The following PTRH1 variants were observed in gnomAD, a reference collection of about 807,000 sequenced individuals.
PTRH1 encodes the protein peptidyl-tRNA hydrolase 1 homolog, also known as peptidyl-tRNA hydrolase.
In PTRH1, 13 loss-of-function variants were observed where a neutral mutation model predicts 15.7. The observed-to-expected ratio is 0.83, with a 90% CI of 0.54 to 1.31. The LOEUF is 1.31. PTRH1 is among the 40% of genes most tolerant of loss of function. The pLI, the probability that PTRH1 is intolerant of heterozygous loss-of-function variation, is 0.00. For synonymous variants in PTRH1, 139 were observed against 136.7 expected, an observed-to-expected ratio of 1.02 and a Z score of -0.12; for missense variants, 319 against 296.2, an observed-to-expected ratio of 1.08 and a Z score of -0.56.
At chr9:127,711,529 G>C, downstream of PTRH1, 1 of 1,597,670 alleles carries the variant, frequency 6.3e-7, no homozygotes, top group Non-Finnish European at 8.5e-7. Flanking sequence ...AGGGCATTTG[G>C]CATGCAAGGC....
Position 127,714,135 on chromosome 9 carries a change from G to T in PTRH1, c.610C>A (p.Arg204Ser). 1 of 1,613,680 alleles carries T rather than the reference G, an allele frequency of 6.2e-7. No individual in the cohort carries two copies. The highest frequency in any genetic ancestry group is 8.5e-7 in the Non-Finnish European group (1 of 1,179,958). ...AGTGAGGGCCCCTGGCTTCGCTCAC[G>T]GATGTGGTCCAAGATCAGGTCGGTG... is the stretch of plus-strand genomic sequence containing the variant. ...RATDLILDHIRERSQGPSLGP is the reference protein window; with the variant it reads ...RATDLILDHISERSQGPSLGP Residue 204 changes from arginine to serine, a missense_variant, in exon 5 of 5, where the codon CGT (arginine) becomes AGT (serine). Coordinates refer to ENST00000543175, the MANE Select transcript of PTRH1 (RefSeq NM_001002913.3).
intron 1 of PTRH1, among the ~76,000 whole-genome samples, chr9:127,707,455 A>G (rs1256106535): frequency 6.6e-6 from 1 of 151,980 alleles, no homozygotes; most frequent in Non-Finnish European, 1.5e-5. Flanking sequence ...ACCCCAGGCA[A>G]TCCCCACGTC....
chr9:127,695,529 A>G (rs942528333), intron 1 of PTRH1: 35 of 183,454 alleles, frequency 1.9e-4, no homozygotes, highest in Non-Finnish European at 3.0e-4. Flanking sequence ...CCCTAAGCGC[A>G]GTTTTCTTGT....
intron 1 of PTRH1, among the ~76,000 whole-genome samples, chr9:127,706,463 C>T (rs796906728): frequency 6.2e-4 from 94 of 152,304 alleles, no homozygotes; most frequent in African/African-American, 2.1e-3. Context: ...AGGACCTGCC[C>T]GCTGTCCCAC....
downstream of PTRH1, chr9:127,709,759 T>C: frequency 6.6e-7 from 1 of 1,511,872 alleles, no homozygotes; most frequent in Non-Finnish European, 9.0e-7. The surrounding 1 kb of genome is among the most constrained non-coding windows in gnomAD (Gnocchi z 4.7). Context: ...ACCCTGTTTC[T>C]CACCTGGGAA....
chr9:127,703,171 C>G (rs1224626445), intron 1 of PTRH1, among the ~76,000 whole-genome samples: 1 of 152,094 alleles, frequency 6.6e-6, no homozygotes, highest in East Asian at 1.9e-4. Context: ...CCAATTAAGG[C>G]TAGGTGCTAT....
At chr9:127,710,518 C>T (rs1373002677), downstream of PTRH1, 1 of 1,500,154 alleles carries the variant, frequency 6.7e-7, no homozygotes, top group African/African-American at 1.4e-5. Context: ...GGGACAGGGA[C>T]CTAAGGGGCA....
downstream of PTRH1, chr9:127,711,518 C>T (rs73600051): frequency 2.8e-3 from 4,475 of 1,606,120 alleles, 115 homozygotes; most frequent in African/African-American, 0.052. Context: ...GGCCTCAGCA[C>T]AGGGCATTTG....
At chr9:127,713,457 TC>T (rs1220397189), downstream of PTRH1, 2 of 412,648 alleles carry the variant, frequency 4.8e-6, no homozygotes, top group Admixed American at 8.4e-5. Flanking sequence ...AAGAGTGGGA[TC>T]CCCCTGAAGA....
rs79978910 is a variant in PTRH1 at position 127,706,443 on chromosome 9, A to C, written c.205+8992T>G. 4.9e-3 allele frequency among the ~76,000 whole-genome samples: 750 copies of C among 152,238 alleles called. 4 individuals are homozygous for C. Among genetic ancestry groups the C allele is most frequent in the African/African-American group, 0.017 (692 of 41,526 alleles). ...GCTAAGTGACAAGCCCTGGGATGAC[A>C]GGGATGGAAAGGACCTGCCCGCTGT... On this transcript the variant is annotated intron_variant, in intron 1 of 2. Coordinates refer to the PTRH1 transcript ENST00000335223.
At chr9:127,709,408 T>G (rs1265384599), downstream of PTRH1, 8 of 1,611,198 alleles carry the variant, frequency 5.0e-6, no homozygotes, top group East Asian at 1.1e-4. This position sits in a 1 kb window ranked among gnomAD's most constrained non-coding sequence, Gnocchi z 4.7. Flanking sequence ...ACCACGGCTC[T>G]GCCCCTGCCC....
intron 1 of PTRH1, among the ~76,000 whole-genome samples, chr9:127,706,754 T>C (rs1305499209): frequency 1.3e-5 from 2 of 152,198 alleles, no homozygotes; most frequent in African/African-American, 4.8e-5. Flanking sequence ...CCCATGGCGC[T>C]TATTTCCACG....
chr9:127,713,757 T>C (rs2131595053), downstream of PTRH1: 11 of 1,234,628 alleles, frequency 8.9e-6, no homozygotes, highest in South Asian at 1.3e-4. Context: ...TCCCCCAGCC[T>C]CGGCCTCCCA....
intron 1 of PTRH1, among the ~76,000 whole-genome samples, chr9:127,702,528 C>T: frequency 6.6e-6 from 1 of 151,964 alleles, no homozygotes; most frequent in East Asian, 1.9e-4. Context: ...CAGAGTGAGA[C>T]CCTGTCTCAA....
intron 1 of PTRH1, among the ~76,000 whole-genome samples, chr9:127,703,773 G>A (rs926272641): frequency 5.3e-5 from 8 of 152,212 alleles, no homozygotes; most frequent in Non-Finnish European, 1.0e-4. Flanking sequence ...GTCTCGCCCC[G>A]CCTGGTGTGA....
intron 1 of PTRH1, among the ~76,000 whole-genome samples, chr9:127,702,708 A>C (rs1588384266): frequency 6.7e-6 from 1 of 149,038 alleles, no homozygotes; most frequent in Admixed American, 6.7e-5. Context: ...GTTTGTCATT[A>C]TTTTTCTTTT....
At chr9:127,711,797 T>A, downstream of PTRH1, 1 of 1,550,630 alleles carries the variant, frequency 6.4e-7, no homozygotes, top group South Asian at 1.2e-5. Flanking sequence ...GCTGAGGGCA[T>A]GGCCACCTGT....
In PTRH1 at chr9:127,714,602, C is replaced by A. The variant is rs1457363151; in HGVS notation, c.416+1G>T. On this transcript the variant is annotated splice_donor_variant, in intron 3 of 4. Transcript: ENST00000543175. LOFTEE classifies it high-confidence loss of function. ...CAACCCTGACCATCTCAGGACCTCA[C>A]CTGGCACTGCCCCCCAGCTTCAGAG... is the stretch of plus-strand genomic sequence containing the variant. The A allele has an allele frequency of 6.2e-7, 1 of 1,613,594 alleles. No individual in the cohort carries two copies. The highest frequency in any genetic ancestry group is 1.7e-5 in the Admixed American group (1 of 59,988).
downstream of PTRH1, chr9:127,709,366 C>T: frequency 1.9e-6 from 3 of 1,572,502 alleles, no homozygotes. This position sits in a 1 kb window ranked among gnomAD's most constrained non-coding sequence, Gnocchi z 4.7. Flanking sequence ...CCAGCTGCAC[C>T]AGAGGCCTGG....
Sources: gnomAD v4.1 joint callset for allele counts (sites outside exome capture counted in the v4.1 genomes callset) on GRCh38, gnomAD v4.1.1 for gene constraint, Gnocchi (gnomAD v3.1) non-coding constraint, MANE v1.5 for transcripts, NCBI Gene and HGNC (gene_info 2026-07-23, HGNC 2026-07-21) for gene names.